Variants in APPL2 observed in about 807,000 individuals in gnomAD.
APPL2 encodes the protein adaptor protein, phosphotyrosine interacting with PH domain and leucine zipper 2, also known as DCC-interacting protein 13-beta.
Under a neutral mutation model 92.7 loss-of-function variants are expected in APPL2, and 84 were observed. That is an observed-to-expected ratio of 0.91 (90% CI 0.76 to 1.09). The LOEUF is 1.09. APPL2 is among the 50% of genes least tolerant of loss of function. The pLI is 0.00. For missense variants in APPL2, 736 were observed against 824.5 expected (o/e 0.89, Z 1.31); for synonymous variants, 291 against 291.0 (o/e 1.00, Z 0.00).
In APPL2 at chr12:105,195,280, GT is replaced by G; in HGVS notation, c.1221del (p.Lys407AsnfsTer11). 6.2e-7 allele frequency: 1 copy of G among 1,614,120 alleles called. No individual in the cohort carries two copies. The highest frequency in any genetic ancestry group is 2.2e-5 in the East Asian group (1 of 44,886). Reference protein sequence around the residue: ...AVTPITSFGKKQESSCPSQNL... With the variant: ...AVTPITSFGKXQESSCPSQNL... ...AGTTACCTGGGGCATGAGCTTTCTTGTTTTTTTCCAAAACTTGTAATGGGAG... is the reference window on the plus strand; with the variant it reads ...AGTTACCTGGGGCATGAGCTTTCTTGTTTTTTCCAAAACTTGTAATGGGAG... On this transcript the variant is annotated frameshift_variant, in exon 14 of 21. Transcript: ENST00000258530. LOFTEE classifies it high-confidence loss of function.
intron 1 of APPL2, among the ~76,000 whole-genome samples, chr12:105,232,654 C>G (rs1891006368): frequency 1.3e-5 from 2 of 150,946 alleles, no homozygotes. Context: ...GTCCTAGCTA[C>G]TCAGAAGGCT....
intron 2 of APPL2, among the ~76,000 whole-genome samples, chr12:105,223,970 C>T (rs986228318): frequency 3.3e-5 from 5 of 152,238 alleles, no homozygotes; most frequent in South Asian, 2.1e-4. Flanking sequence ...ACACAGCAAG[C>T]GGCTGAGCCA....
In APPL2 at chr12:105,188,284, A is replaced by G. The variant is rs1886902704; in HGVS notation, c.1623T>C (p.Ser541=). 2 of 1,614,108 alleles carry G rather than the reference A, an allele frequency of 1.2e-6. No homozygotes were observed. Among genetic ancestry groups the G allele is most frequent in the South Asian group, 2.2e-5 (2 of 91,054 alleles). The change falls in exon 17 of 21, where the codon AGT becomes AGC. Residue 541 remains serine (S), a synonymous_variant. Transcript: ENST00000258530. ...AAAACTGAACGTACCTCAAAGATTG[A>G]CTGGTGACCATCAGATGGGATTCTG... The part of the protein sequence containing the change: ...RMTESHLMVT[S]QSLRLIDPQT...
In APPL2 at chr12:105,203,742, A is replaced by G. The variant is rs1343740240; in HGVS notation, c.665T>C (p.Met222Thr). Reference sequence around the variant, plus strand: ...TGCAACGGAGGATAAAAAGCTGTCCATACGTTTGGAAAACATCTCTGCTCC... The same window carrying G: ...TGCAACGGAGGATAAAAAGCTGTCCGTACGTTTGGAAAACATCTCTGCTCC... The part of the protein sequence containing the change: ...KKGAEMFSKR[M>T]DSFLSSVADM... Residue 222 changes from methionine to threonine, a missense_variant, in exon 9 of 21, where the codon ATG becomes ACG. Transcript: ENST00000258530. 1.2e-6 allele frequency: 2 copies of G among 1,614,268 alleles called. No homozygotes were observed. Among genetic ancestry groups the G allele is most frequent in the East Asian group, 2.2e-5 (1 of 44,892 alleles).
rs1891216196 is a variant in APPL2, at chr12:105,236,143, CG to C, written c.-132del. 1.9e-6 allele frequency: 1 copy of C among 525,886 alleles called. No homozygotes were observed. The highest frequency in any genetic ancestry group is 6.4e-5 in the East Asian group (1 of 15,708). 32.6% of individuals were successfully genotyped at this position (525,886 alleles called of 1,614,324 possible). On this transcript the variant is annotated 5_prime_UTR_variant, in exon 1 of 21. Coordinates refer to ENST00000258530, the MANE Select transcript of APPL2 (RefSeq NM_018171.5). ...TCCGTGCCCGCGGCGGCCCCGCGCG[CG>C]TCCACGCCTGGCCAGTGGCCGCCGC...
rs769298089 is a variant in APPL2, at chr12:105,176,887, C to G, written c.1801G>C (p.Glu601Gln). 1.2e-6 allele frequency: 2 copies of G among 1,613,964 alleles called. No individual in the cohort carries two copies. The highest frequency in any genetic ancestry group is 8.5e-7 in the Non-Finnish European group (1 of 1,179,948). ...LSTYIFESNS[E>Q]GEKICYAINL... ...CATGAAAAAGAGACCTTTTCGCCTT[C>G]TGAGTTGCTTTCAAAAATGTATGTA... Residue 601 changes from glutamate (E) to glutamine (Q), a missense_variant, in exon 19 of 21, where the codon GAA becomes CAA. By Grantham distance (29) the Glu-to-Gln change is conservative. Transcript: ENST00000258530.
At chr12:105,183,371 G>A (rs1306001957) in intron 17 of APPL2, among the ~76,000 whole-genome samples, 3 of 152,196 alleles carry the variant, frequency 2.0e-5, no homozygotes, top group African/African-American at 2.4e-5. Flanking sequence ...TTACATTTTG[G>A]TATGTTTTTG....
rs1179220177 is a variant in APPL2, at chr12:105,177,004, T to G, written c.1684A>C (p.Ser562Arg). 1.9e-6 allele frequency: 3 copies of G among 1,613,914 alleles called. No individual in the cohort carries two copies. The highest frequency in any genetic ancestry group is 8.5e-7 in the Non-Finnish European group (1 of 1,179,990). ...TGATGAGCAGCAAATTGTGTGACAC[T>G]GGTAAGTTCAAACTGGGGGGTGGAA... ...QVSRANFELT[S>R]VTQFAAHQEN... The change falls in exon 19 of 21, where the codon AGT becomes CGT. Residue 562 changes from serine (S) to arginine (R), a missense_variant. Physicochemically the swap from Ser to Arg is moderately radical, Grantham distance 110. Transcript: ENST00000258530.
chr12:105,197,539 G>A (rs1887766651), intron 11 of APPL2, among the ~76,000 whole-genome samples: 1 of 152,192 alleles, frequency 6.6e-6, no homozygotes, highest in African/African-American at 2.4e-5. Context: ...CAAAGCCACA[G>A]ACAAACCCTC....
chr12:105,183,156 A>C (rs575849653), intron 17 of APPL2, among the ~76,000 whole-genome samples: 1 of 144,704 alleles, frequency 6.9e-6, no homozygotes. Context: ...GTGTCTCTGC[A>C]CATGAGATGG....
At chr12:105,199,268 C>T (rs1887930129) in intron 10 of APPL2, 105 bp downstream of exon 10, 2 of 1,375,560 alleles carry the variant, frequency 1.5e-6, no homozygotes, top group Non-Finnish European at 9.9e-7. Context: ...CCCAGTCTCA[C>T]CCACCCACCT....
chr12:105,203,665 C>A (rs762172074), intron 9 of APPL2, 38 bp downstream of exon 9: 5 of 1,593,196 alleles, frequency 3.1e-6, no homozygotes, highest in Non-Finnish European at 4.3e-6. Flanking sequence ...GCATGAAAGG[C>A]AAGGGGCACA....
chr12:105,186,685 TATATATCATATATC>T (rs1566056563), intron 17 of APPL2, among the ~76,000 whole-genome samples: 2 of 63,398 alleles, frequency 3.2e-5, no homozygotes, highest in Non-Finnish European at 6.1e-5. Context: ...ATATATCATA[TATATATCATATATC>T]ATATCATATA....
intron 19 of APPL2, chr12:105,176,487 A>G (rs1885556716): frequency 2.3e-6 from 1 of 432,382 alleles, no homozygotes; most frequent in African/African-American, 2.1e-5. Context: ...ATACTAAACC[A>G]ACAGCTTGTG....
intron 2 of APPL2, among the ~76,000 whole-genome samples, chr12:105,226,164 T>C (rs1890487687): frequency 6.6e-6 from 1 of 152,164 alleles, no homozygotes; most frequent in East Asian, 1.9e-4. Flanking sequence ...AAAATATATA[T>C]ATGAAAACAA....
chr12:105,196,641 A>C (rs1226505285), intron 11 of APPL2, among the ~76,000 whole-genome samples: 1 of 151,914 alleles, frequency 6.6e-6, no homozygotes, highest in Non-Finnish European at 1.5e-5. Flanking sequence ...GGGTTTCTCC[A>C]TGTTGGTCAT....
chr12:105,207,329 C>T, intron 7 of APPL2, 122 bp from the exon 8 acceptor site: 1 of 989,444 alleles, frequency 1.0e-6, no homozygotes, highest in Non-Finnish European at 1.4e-6. Context: ...TATAACAAAA[C>T]ACAGATAAGG....
Position 105,177,008 on chromosome 12 carries a change from A to G in APPL2, c.1680T>C (p.Leu560=). The G allele has an allele frequency of 6.2e-7, 1 of 1,614,080 alleles. No homozygotes were observed. The highest frequency in any genetic ancestry group is 8.5e-7 in the Non-Finnish European group (1 of 1,179,994). Residue 560 remains leucine (L), a synonymous_variant, in exon 19 of 21, where the codon CTT becomes CTC. Transcript: ENST00000258530. The part of the protein sequence containing the change: ...QTQVSRANFE[L]TSVTQFAAHQ... The stretch of plus-strand genomic sequence containing the variant: ...GAGCAGCAAATTGTGTGACACTGGT[A>G]AGTTCAAACTGGGGGGTGGAAAAAA...
chr12:105,229,729 G>A lies in APPL2; in HGVS notation c.55-506C>T, dbSNP rs754450844. 8.3e-5 allele frequency: 82 copies of A among 986,422 alleles called. No individual in the cohort carries two copies. The African/African-American group carries it at 1.3e-3, about 16-fold the overall frequency. The allele number at this position is 986,422 out of a possible 1,614,324, so 61.1% of individuals were successfully genotyped here. A position where few individuals can be genotyped will look rare whatever the true frequency, so the allele number is the denominator to read the frequency against. On this transcript the variant is annotated intron_variant, in intron 1 of 20. Transcript: ENST00000258530. ...GGATGTCTTGCAGGAGTGTAGGAGT[G>A]TGTCATTCTTTCCTCTTATGGTACT...
Sources: allele counts gnomAD v4.1 joint callset (sites outside exome capture counted in the v4.1 genomes callset), GRCh38; gene constraint gnomAD v4.1.1; transcripts MANE v1.5; gene names NCBI Gene and HGNC (gene_info 2026-07-23, HGNC 2026-07-21).